Variants in PRKCE observed in about 807,000 individuals in gnomAD.
PRKCE encodes protein kinase C epsilon type.
Under a neutral mutation model 85.4 loss-of-function variants are expected in PRKCE, and 16 were observed. That is an observed-to-expected ratio of 0.19 (90% confidence interval 0.13 to 0.28). PRKCE has a LOEUF of 0.28. PRKCE is among the 10% of genes least tolerant of loss of function. The pLI is 1.00. For missense variants in PRKCE, 573 were observed against 975.2 expected, an observed-to-expected ratio of 0.59 and a Z score of 5.49; for synonymous variants, 388 against 371.5, an observed-to-expected ratio of 1.04 and a Z score of -0.51.
intron 10 of PRKCE, among the ~76,000 whole-genome samples, chr2:46,048,070 C>T (rs1708634115): frequency 6.6e-6 from 1 of 151,954 alleles, no homozygotes; most frequent in Admixed American, 6.5e-5. Context: ...TTCTAAACAG[C>T]GTGTCAAGGA....
At chr2:46,110,764 C>A (rs142245213) in intron 11 of PRKCE, among the ~76,000 whole-genome samples, 12 of 151,528 alleles carry the variant, frequency 7.9e-5, no homozygotes, top group African/African-American at 2.7e-4. Flanking sequence ...TTTCTAGTTT[C>A]TTGGGGCAGA....
intron 11 of PRKCE, among the ~76,000 whole-genome samples, chr2:46,137,912 C>T (rs1024815148): frequency 1.2e-4 from 19 of 152,184 alleles, no homozygotes; most frequent in African/African-American, 4.1e-4. Flanking sequence ...TCTTCCCCAC[C>T]TTGCAGCAAA....
At chr2:45,805,349 TC>T (rs1395424173) in intron 1 of PRKCE, among the ~76,000 whole-genome samples, 1 of 152,160 alleles carries the variant, frequency 6.6e-6, no homozygotes, top group Non-Finnish European at 1.5e-5. Context: ...TGAGGGGTCA[TC>T]ACACAATTAT....
chr2:46,012,533 C>T (rs1291109605), intron 10 of PRKCE, among the ~76,000 whole-genome samples: 1 of 152,132 alleles, frequency 6.6e-6, no homozygotes, highest in Non-Finnish European at 1.5e-5. Context: ...CCCACTTCCC[C>T]CTGTCCCCAG....
intron 2 of PRKCE, among the ~76,000 whole-genome samples, chr2:45,868,877 G>C (rs1269080439): frequency 6.6e-6 from 1 of 150,620 alleles, no homozygotes; most frequent in African/African-American, 2.4e-5. Context: ...AGAATCTCTT[G>C]AATCTGGGAG....
intron 2 of PRKCE, among the ~76,000 whole-genome samples, chr2:45,848,018 C>T (rs1180581423): frequency 1.3e-5 from 2 of 152,184 alleles, no homozygotes; most frequent in Non-Finnish European, 2.9e-5. Context: ...ACCTGCCCTC[C>T]TTGCTAGAGA....
At chr2:45,688,107 T>G (rs935361033) in intron 1 of PRKCE, among the ~76,000 whole-genome samples, 1 of 152,186 alleles carries the variant, frequency 6.6e-6, no homozygotes, top group South Asian at 2.1e-4. Flanking sequence ...TTGACAACAT[T>G]ATGTTCACAC....
chr2:46,081,948 T>G (rs975722878), intron 10 of PRKCE, among the ~76,000 whole-genome samples: 4 of 151,958 alleles, frequency 2.6e-5, no homozygotes, highest in African/African-American at 9.7e-5. Flanking sequence ...ATACAAAAAA[T>G]AGCTGGGCAT....
Position 45,891,550 on chromosome 2 carries a change from G to A in PRKCE, c.412+48487G>A, listed in dbSNP as rs144474294. On this transcript the variant is annotated intron_variant, in intron 2 of 14. Coordinates refer to ENST00000306156, the MANE Select transcript of PRKCE (RefSeq NM_005400.3). ...CGTCAAGTTTCCAAGTCCCAGGTAG[G>A]ACTGTGTGATCAAGGTGGGCCACAC... 2.4e-4 allele frequency among the ~76,000 whole-genome samples: 37 copies of A among 152,292 alleles called. No individual in the cohort carries two copies. In the East Asian group the frequency reaches 6.6e-3, roughly 27 times the overall value.
intron 1 of PRKCE, among the ~76,000 whole-genome samples, chr2:45,729,732 T>C (rs921149804): frequency 1.4e-4 from 21 of 152,280 alleles, no homozygotes; most frequent in African/African-American, 4.6e-4. Context: ...ACATTGGTAG[T>C]GTAATGGATG....
chr2:46,165,900 C>G (rs1472429717), intron 14 of PRKCE, among the ~76,000 whole-genome samples: 1 of 152,164 alleles, frequency 6.6e-6, no homozygotes, highest in Admixed American at 6.5e-5. Context: ...AAATGCTGGC[C>G]AAGTAAACTT....
chr2:46,085,979 G>C (rs1669601175), intron 10 of PRKCE, among the ~76,000 whole-genome samples: 1 of 152,146 alleles, frequency 6.6e-6, no homozygotes, highest in Non-Finnish European at 1.5e-5. Flanking sequence ...AGACCGAGGT[G>C]ATGCCCACCG....
At chr2:46,096,464 G>C (rs1670689179) in intron 11 of PRKCE, among the ~76,000 whole-genome samples, 1 of 152,186 alleles carries the variant, frequency 6.6e-6, no homozygotes, top group Non-Finnish European at 1.5e-5. Context: ...TTTGGAGATA[G>C]GGCCTTTAAA....
rs899013147 is a variant in PRKCE at position 46,066,752 on chromosome 2, CAGG to C, written c.1438-19450_1438-19448del. 3.3e-5 allele frequency among the ~76,000 whole-genome samples: 5 copies of C among 152,250 alleles called. No individual in the cohort carries two copies. The Middle Eastern group carries it at 0.01, about 311-fold the overall frequency. On this transcript the variant is annotated intron_variant, in intron 10 of 14. Coordinates refer to ENST00000306156, the MANE Select transcript of PRKCE (RefSeq NM_005400.3). ...GGAACTATGTCCTGGGCTTCACAGA[CAGG>C]AGGAGAAGAGTTAGTTCTGTGGTGA...
At chr2:45,767,848 G>A (rs1356895590) in intron 1 of PRKCE, among the ~76,000 whole-genome samples, 1 of 152,216 alleles carries the variant, frequency 6.6e-6, no homozygotes, top group Non-Finnish European at 1.5e-5. Flanking sequence ...TATCACAGGT[G>A]TTTGCCTCCT....
chr2:46,178,646 T>G (rs551699470), intron 14 of PRKCE, among the ~76,000 whole-genome samples: 1 of 152,336 alleles, frequency 6.6e-6, no homozygotes, highest in Non-Finnish European at 1.5e-5. Context: ...TCTAATTGTT[T>G]AAATTCTTTT....
intron 2 of PRKCE, among the ~76,000 whole-genome samples, chr2:45,914,936 T>G (rs1337462044): frequency 6.6e-6 from 1 of 152,228 alleles, no homozygotes; most frequent in Non-Finnish European, 1.5e-5. Context: ...CTTTCCATAT[T>G]GTTTTGCTTG....
intron 10 of PRKCE, among the ~76,000 whole-genome samples, chr2:46,065,408 C>T (rs772204950): frequency 3.1e-4 from 47 of 152,088 alleles, no homozygotes; most frequent in Admixed American, 3.3e-4. Context: ...CGTCATTTCA[C>T]GTAAAGAATT....
intron 1 of PRKCE, among the ~76,000 whole-genome samples, chr2:45,733,512 T>C (rs1681767967): frequency 6.6e-6 from 1 of 152,176 alleles, no homozygotes; most frequent in South Asian, 2.1e-4. Context: ...GAGACATTAC[T>C]AAGCAAGGTA....
Sources: gnomAD v4.1 joint callset for allele counts (sites outside exome capture counted in the v4.1 genomes callset) on GRCh38, gnomAD v4.1.1 for gene constraint, MANE v1.5 for transcripts, NCBI Gene and HGNC (gene_info 2026-07-23, HGNC 2026-07-21) for gene names.